Variants in EDIL3 observed in about 807,000 individuals in gnomAD.
EDIL3 encodes the protein EGF like and discoidin domains 3, also known as EGF-like repeat and discoidin I-like domain-containing protein 3.
EDIL3 carries 37 observed loss-of-function variants against 67.4 expected under a neutral mutation model. That is an observed-to-expected ratio of 0.55 (90% CI 0.42 to 0.72). The LOEUF (loss-of-function observed/expected upper bound fraction) is 0.72. EDIL3 is among the 30% of genes least tolerant of loss of function. The pLI is 0.00. For synonymous variants in EDIL3, 195 were observed against 196.3 expected, an observed-to-expected ratio of 0.99 and a Z score of 0.05; for missense variants, 527 against 586.3, an observed-to-expected ratio of 0.90 and a Z score of 1.04.
At chr5:84,095,576 T>C (rs1251454254) in intron 6 of EDIL3, among the ~76,000 whole-genome samples, 5 of 152,080 alleles carry the variant, frequency 3.3e-5, no homozygotes, top group Admixed American at 3.3e-4. Flanking sequence ...ACTTTGAACT[T>C]GAGAGAGATG....
rs1472616176 is a variant in EDIL3 at position 84,132,298 on chromosome 5, A to ATATATAATATATATTATATATATTT, written c.469+4918_469+4942dup. The stretch of plus-strand genomic sequence containing the variant: ...TTTTTTCATATATAGTATATATTTT[A>ATATATAATATATATTATATATATTT]TATATAATATATATTATATATATTT... On this transcript the variant is annotated intron_variant, in intron 5 of 10. Transcript: ENST00000296591. Among the ~76,000 whole-genome samples the ATATATAATATATATTATATATATTT allele has an allele frequency of 3.1e-3, 286 of 93,442 alleles. 1 individual carries two copies. Among genetic ancestry groups the ATATATAATATATATTATATATATTT allele is most frequent in the African/African-American group, 9.7e-3 (239 of 24,732 alleles). The allele number at this position is 93,442 out of a possible 152,430, so 61.3% of individuals were successfully genotyped here.
intron 9 of EDIL3, among the ~76,000 whole-genome samples, chr5:83,985,800 G>A (rs1228810102): frequency 6.6e-6 from 1 of 151,704 alleles, no homozygotes; most frequent in South Asian, 2.1e-4. Flanking sequence ...AAAATAATAG[G>A]TAAAAATATT....
intron 6 of EDIL3, among the ~76,000 whole-genome samples, chr5:84,070,277 T>C (rs1746714337): frequency 6.6e-6 from 1 of 152,192 alleles, no homozygotes; most frequent in Admixed American, 6.5e-5. Context: ...GAAGGTCTAA[T>C]TGAGCTGATT....
intron 9 of EDIL3, among the ~76,000 whole-genome samples, chr5:84,048,427 A>G (rs1010649430): frequency 2.0e-5 from 3 of 152,064 alleles, no homozygotes; most frequent in Non-Finnish European, 2.9e-5. Context: ...TTTCTTATAC[A>G]TTTTCACAAA....
At chr5:84,240,449 G>A (rs1440765819) in intron 2 of EDIL3, among the ~76,000 whole-genome samples, 1 of 152,154 alleles carries the variant, frequency 6.6e-6, no homozygotes, top group Non-Finnish European at 1.5e-5. Flanking sequence ...CAACTTCCAT[G>A]GGGCATGAAC....
intron 4 of EDIL3, among the ~76,000 whole-genome samples, chr5:84,159,682 A>G (rs1201368566): frequency 1.3e-5 from 2 of 152,052 alleles, no homozygotes; most frequent in African/African-American, 4.8e-5. Flanking sequence ...TATATAGGAA[A>G]CATAAATTTT....
intron 2 of EDIL3, among the ~76,000 whole-genome samples, chr5:84,235,733 A>C (rs1348685): frequency 0.79 from 120,612 of 151,852 alleles, 48,125 homozygotes; most frequent in East Asian, 0.95. Flanking sequence ...TTATTAAATT[A>C]ATCAAAGAAA....
At chr5:84,158,416 A>C (rs1353957568) in intron 4 of EDIL3, among the ~76,000 whole-genome samples, 1 of 152,074 alleles carries the variant, frequency 6.6e-6, no homozygotes, top group Non-Finnish European at 1.5e-5. Flanking sequence ...GCATTCCTAC[A>C]TATCTAAATA....
chr5:84,209,790 T>C (rs1744078393), intron 3 of EDIL3, among the ~76,000 whole-genome samples: 1 of 152,150 alleles, frequency 6.6e-6, no homozygotes, highest in African/African-American at 2.4e-5. Context: ...CACTGGTAAA[T>C]AAAATGAAAG....
At chr5:84,076,118 TAAGA>T (rs1031814019) in intron 6 of EDIL3, among the ~76,000 whole-genome samples, 2 of 151,880 alleles carry the variant, frequency 1.3e-5, no homozygotes, top group African/African-American at 2.4e-5. Context: ...AAAAATTTAC[TAAGA>T]AAGAGTTATT....
chr5:84,029,124 G>A (rs1745871841), intron 9 of EDIL3, among the ~76,000 whole-genome samples: 1 of 152,146 alleles, frequency 6.6e-6, no homozygotes, highest in South Asian at 2.1e-4. Flanking sequence ...AGGTGTGGTG[G>A]CAGGTGCCTG....
intron 2 of EDIL3, among the ~76,000 whole-genome samples, chr5:84,232,572 C>A (rs755231674): frequency 6.7e-6 from 1 of 149,856 alleles, no homozygotes; most frequent in Non-Finnish European, 1.5e-5. Context: ...AGCTGTGCAC[C>A]AATCTACACT....
At chr5:84,275,180 T>C (rs561024834) in intron 1 of EDIL3, among the ~76,000 whole-genome samples, 1 of 152,304 alleles carries the variant, frequency 6.6e-6, no homozygotes, top group East Asian at 1.9e-4. Context: ...ACCTACTCCA[T>C]AGTTATTCTT....
At chr5:84,213,088 A>C (rs1488995372) in intron 3 of EDIL3, among the ~76,000 whole-genome samples, 1 of 152,138 alleles carries the variant, frequency 6.6e-6, no homozygotes, top group African/African-American at 2.4e-5. Context: ...AAATTCTCAG[A>C]AATTTTAAAA....
chr5:84,022,583 C>T (rs1745737650), intron 9 of EDIL3, among the ~76,000 whole-genome samples: 2 of 152,050 alleles, frequency 1.3e-5, no homozygotes, highest in South Asian at 4.1e-4. Flanking sequence ...GAAATCATGT[C>T]ATTTGCAGCA....
At chr5:84,074,887 GAC>G (rs1746820975) in intron 6 of EDIL3, among the ~76,000 whole-genome samples, 1 of 152,154 alleles carries the variant, frequency 6.6e-6, no homozygotes, top group Non-Finnish European at 1.5e-5. Flanking sequence ...CTGCTATAAA[GAC>G]ACATGCACAC....
chr5:84,200,910 T>C (rs1034114664), intron 3 of EDIL3, among the ~76,000 whole-genome samples: 1 of 152,076 alleles, frequency 6.6e-6, no homozygotes, highest in Non-Finnish European at 1.5e-5. Flanking sequence ...CAGGAAAGCC[T>C]AAGAAAATTA....
intron 1 of EDIL3, among the ~76,000 whole-genome samples, chr5:84,371,318 A>ATTATATATATATAT (rs1747840361): frequency 2.4e-5 from 2 of 82,590 alleles, no homozygotes; most frequent in Non-Finnish European, 2.9e-5. Flanking sequence ...ATAGATAAAA[A>ATTATATATATATAT]GTATATATAT....
chr5:84,192,474 C>A (rs573390946), intron 3 of EDIL3, among the ~76,000 whole-genome samples: 3 of 152,030 alleles, frequency 2.0e-5, no homozygotes, highest in African/African-American at 7.2e-5. Context: ...CCTTAAATGC[C>A]AAATGCCTTT....
Sources: gnomAD v4.1 joint callset for allele counts (sites outside exome capture counted in the v4.1 genomes callset) on GRCh38, gnomAD v4.1.1 for gene constraint, MANE v1.5 for transcripts, NCBI Gene and HGNC (gene_info 2026-07-23, HGNC 2026-07-21) for gene names.